Variants in AP3B1 observed in about 807,000 individuals in gnomAD.
AP3B1 encodes AP-3 complex subunit beta-1.
AP3B1 carries 61 observed loss-of-function variants against 132.5 expected under a neutral mutation model. The observed-to-expected ratio is 0.46, with a 90% CI of 0.37 to 0.57. AP3B1 has a LOEUF of 0.57. Among genes scored for constraint, AP3B1 ranks in the 20% least tolerant of loss-of-function variants. The pLI is 0.00. For synonymous variants in AP3B1, 388 were observed against 438.3 expected, an observed-to-expected ratio of 0.89 and a Z score of 1.43; for missense variants, 1,120 against 1,289.4, an observed-to-expected ratio of 0.87 and a Z score of 2.01.
chr5:78,009,499 G>A (rs1464200251), intron 26 of AP3B1, among the ~76,000 whole-genome samples: 1 of 151,738 alleles, frequency 6.6e-6, no homozygotes, highest in African/African-American at 2.4e-5. Flanking sequence ...TTCTTTACCT[G>A]TACTTGAATT....
At chr5:78,193,453 T>G (rs938566926) in intron 7 of AP3B1, among the ~76,000 whole-genome samples, 2 of 151,836 alleles carry the variant, frequency 1.3e-5, no homozygotes, top group African/African-American at 4.8e-5. Context: ...TAAAAATAAA[T>G]GAATTTGAAA....
At chr5:78,075,083 G>C (rs771075630) in intron 22 of AP3B1, among the ~76,000 whole-genome samples, 2 of 152,124 alleles carry the variant, frequency 1.3e-5, no homozygotes, top group Non-Finnish European at 2.9e-5. Flanking sequence ...TCTCCTTGCA[G>C]ACCAACTTGA....
intron 6 of AP3B1, among the ~76,000 whole-genome samples, chr5:78,219,995 G>C (rs1007262385): frequency 6.6e-6 from 1 of 151,998 alleles, no homozygotes; most frequent in East Asian, 1.9e-4. Context: ...CATTTAACTG[G>C]GAGATTTTTT....
intron 1 of AP3B1, among the ~76,000 whole-genome samples, chr5:78,286,361 T>C (rs1485462677): frequency 6.6e-6 from 1 of 152,176 alleles, no homozygotes; most frequent in African/African-American, 2.4e-5. Flanking sequence ...GATTTAGTCA[T>C]GAGGGCTCCT....
At chr5:78,131,177 T>C (rs1485091437) in intron 15 of AP3B1, among the ~76,000 whole-genome samples, 1 of 151,954 alleles carries the variant, frequency 6.6e-6, no homozygotes, top group African/African-American at 2.4e-5. Context: ...TTACATACAT[T>C]AATCAGTTTC....
At chr5:78,084,694 T>G (rs1445219311) in intron 22 of AP3B1, among the ~76,000 whole-genome samples, 1 of 152,052 alleles carries the variant, frequency 6.6e-6, no homozygotes, top group African/African-American at 2.4e-5. Flanking sequence ...ACATCTTGAT[T>G]AGAGAAAATC....
In AP3B1 at chr5:78,003,051, C is replaced by T. The variant is rs776628092; in HGVS notation, c.3136G>A (p.Ala1046Thr). Residue 1046 changes from alanine to threonine, a missense_variant, in exon 27 of 27, where the codon GCA becomes ACA. By Grantham distance (58) the Ala-to-Thr change is moderately conservative. Transcript: ENST00000255194. ...PSGQDNIHRF[A>T]AKTVHSGSLM... ...GACCCACTGTGCACAGTTTTAGCTG[C>T]AAACCTGGAAGAGAAAAAAGAGAGA... The T allele has an allele frequency of 1.2e-6, 2 of 1,613,958 alleles. No homozygotes were observed. The highest frequency in any genetic ancestry group is 1.7e-5 in the Admixed American group (1 of 60,004).
chr5:78,287,446 T>C (rs1749329940), intron 1 of AP3B1, among the ~76,000 whole-genome samples: 1 of 152,204 alleles, frequency 6.6e-6, no homozygotes, highest in Non-Finnish European at 1.5e-5. Flanking sequence ...CAGTATTTCA[T>C]CAAATTTCTA....
chr5:78,107,650 A>T (rs1278387756), intron 20 of AP3B1, among the ~76,000 whole-genome samples: 1 of 152,190 alleles, frequency 6.6e-6, no homozygotes, highest in Non-Finnish European at 1.5e-5. Context: ...ATTGTGAGTT[A>T]GAGAGCAGAA....
At chr5:78,243,161 G>A (rs1401530782) in intron 2 of AP3B1, among the ~76,000 whole-genome samples, 1 of 151,980 alleles carries the variant, frequency 6.6e-6, no homozygotes, top group Non-Finnish European at 1.5e-5. Context: ...CACTATGGAG[G>A]GTTTACAAAA....
At chr5:78,038,051 A>C (rs911947550) in intron 23 of AP3B1, among the ~76,000 whole-genome samples, 1 of 152,192 alleles carries the variant, frequency 6.6e-6, no homozygotes, top group African/African-American at 2.4e-5. Flanking sequence ...GAGAGACAAC[A>C]GGATGCGGTG....
chr5:78,260,423 G>A (rs1048710476), intron 2 of AP3B1, among the ~76,000 whole-genome samples: 26 of 151,982 alleles, frequency 1.7e-4, no homozygotes, highest in Non-Finnish European at 2.8e-4. Context: ...TGAAACCCCC[G>A]TCTCGACTAA....
At chr5:78,222,451 C>T (rs1482084084) in intron 6 of AP3B1, 1 of 152,374 alleles carries the variant, frequency 6.6e-6, no homozygotes, top group Non-Finnish European at 1.5e-5. Context: ...GGGGTGAAGT[C>T]TTGGCCTTTT....
chr5:78,056,808 T>C (rs1259913413), intron 22 of AP3B1, among the ~76,000 whole-genome samples: 1 of 152,206 alleles, frequency 6.6e-6, no homozygotes, highest in Non-Finnish European at 1.5e-5. Flanking sequence ...TAAAAGAATA[T>C]ATAGTGACAT....
At chr5:78,220,783 C>T (rs1746145193) in intron 6 of AP3B1, among the ~76,000 whole-genome samples, 1 of 152,060 alleles carries the variant, frequency 6.6e-6, no homozygotes, top group African/African-American at 2.4e-5. Flanking sequence ...GGTGCAGTGG[C>T]TCACGCCTGT....
intron 2 of AP3B1, among the ~76,000 whole-genome samples, chr5:78,262,783 C>A (rs1748151671): frequency 6.6e-6 from 1 of 151,734 alleles, no homozygotes; most frequent in South Asian, 2.1e-4. Flanking sequence ...AGCGATACCA[C>A]AACCTCAGCC....
chr5:78,119,222 A>C (rs913638386), intron 17 of AP3B1, among the ~76,000 whole-genome samples: 11 of 152,324 alleles, frequency 7.2e-5, no homozygotes, highest in African/African-American at 2.6e-4. Flanking sequence ...AAAGTAGATA[A>C]AACCACAAAG....
chr5:78,123,088 C>A (rs967010766), intron 17 of AP3B1, among the ~76,000 whole-genome samples: 3 of 152,192 alleles, frequency 2.0e-5, no homozygotes, highest in Non-Finnish European at 2.9e-5. Context: ...GAAAAACAAG[C>A]AACGGGGAAA....
rs201877252 is a variant in AP3B1, at chr5:78,162,839, C to G, written c.1343G>C (p.Cys448Ser). ...VTDTCLNGLV[C>S]LLSNRDEIVV... is the part of the protein sequence containing the mutation. ...CTTACCATCCCTGTTGGACAGCAGACAGACCAAGCCATTGAGGCACGTGTC... is the reference window on the plus strand; with the variant it reads ...CTTACCATCCCTGTTGGACAGCAGAGAGACCAAGCCATTGAGGCACGTGTC... Residue 448 changes from cysteine (C) to serine (S), a missense_variant, in exon 13 of 27, where the codon TGT becomes TCT. Transcript: ENST00000255194. The G allele has an allele frequency of 6.2e-7, 1 of 1,613,834 alleles. No individual in the cohort carries two copies. The highest frequency in any genetic ancestry group is 8.5e-7 in the Non-Finnish European group (1 of 1,179,920).
Sources: gnomAD v4.1 joint callset for allele counts (sites outside exome capture counted in the v4.1 genomes callset) on GRCh38, gnomAD v4.1.1 for gene constraint, MANE v1.5 for transcripts, NCBI Gene and HGNC (gene_info 2026-07-23, HGNC 2026-07-21) for gene names.